Variants in NKAIN2 observed in about 807,000 individuals in gnomAD.
NKAIN2 encodes the protein sodium/potassium transporting ATPase interacting 2, also known as sodium/potassium-transporting ATPase subunit beta-1-interacting protein 2.
In NKAIN2, 14 loss-of-function variants were observed where a neutral mutation model predicts 32.6. The ratio of observed to expected loss-of-function variants is 0.43; its 90% CI spans 0.28 to 0.67. The LOEUF (loss-of-function observed/expected upper bound fraction) is 0.67, where lower values mean the gene tolerates loss of function less well. Among genes scored for constraint, NKAIN2 ranks in the 30% least tolerant of loss-of-function variants. The pLI is 0.17. For missense variants in NKAIN2, 198 were observed against 258.3 expected (o/e 0.77, Z 1.60); for synonymous variants, 80 against 87.2 (o/e 0.92, Z 0.46).
chr6:124,644,910 T>G (rs1358889425), intron 3 of NKAIN2, among the ~76,000 whole-genome samples: 1 of 152,196 alleles, frequency 6.6e-6, no homozygotes, highest in Admixed American at 6.5e-5. Flanking sequence ...AAGAAGAAAT[T>G]TATATTTTGT....
chr6:124,205,845 C>CATTATATATTAAAATATA (rs1790851040), intron 1 of NKAIN2, among the ~76,000 whole-genome samples: 1 of 151,958 alleles, frequency 6.6e-6, no homozygotes, highest in South Asian at 2.1e-4. Flanking sequence ...AATACCTGCT[C>CATTATATATTAAAATATA]TGAATAACAA....
At chr6:123,960,856 A>C (rs77266720) in intron 1 of NKAIN2, among the ~76,000 whole-genome samples, 2,759 of 151,920 alleles carry the variant, frequency 0.018, 83 homozygotes, top group African/African-American at 0.063. Context: ...AGTGGGGGCT[A>C]CAATTGCACT....
rs397956239 is a variant in NKAIN2 at position 124,351,508 on chromosome 6, C to CAA, written c.193-3744_193-3743dup. ...GAGTGAGATCCTGTCTCAAAAAAAC[C>CAA]AAAAAAAAAAAAAAAAGAAAAGAAG... On this transcript the variant is annotated intron_variant, in intron 2 of 6. Coordinates refer to ENST00000368417, the MANE Select transcript of NKAIN2 (RefSeq NM_001040214.3). Among the ~76,000 whole-genome samples, 290 of 108,978 alleles carry CAA rather than the reference C, an allele frequency of 2.7e-3. 1 individual carries two copies. Among genetic ancestry groups the CAA allele is most frequent in the Middle Eastern group, 5.1e-3 (1 of 198 alleles). 71.5% of individuals were successfully genotyped at this position (108,978 alleles called of 152,430 possible).
At chr6:123,880,100 G>A (rs906088375) in intron 1 of NKAIN2, among the ~76,000 whole-genome samples, 1 of 152,208 alleles carries the variant, frequency 6.6e-6, no homozygotes, top group Non-Finnish European at 1.5e-5. Context: ...GTAGAGCTGA[G>A]AAGAGTCAGT....
At chr6:123,826,459 T>C (rs1774152956) in intron 1 of NKAIN2, among the ~76,000 whole-genome samples, 1 of 152,074 alleles carries the variant, frequency 6.6e-6, no homozygotes, top group African/African-American at 2.4e-5. Flanking sequence ...ACCATCCATC[T>C]CCAGAACTTT....
intron 2 of NKAIN2, among the ~76,000 whole-genome samples, chr6:124,338,577 C>G (rs1797979293): frequency 6.6e-6 from 1 of 152,074 alleles, no homozygotes; most frequent in South Asian, 2.1e-4. Flanking sequence ...AATTTTTTCA[C>G]AAGTTTGGAA....
At chr6:124,048,326 A>G (rs1278757736) in intron 1 of NKAIN2, among the ~76,000 whole-genome samples, 1 of 152,040 alleles carries the variant, frequency 6.6e-6, no homozygotes, top group African/African-American at 2.4e-5. Flanking sequence ...GCACTGAAGT[A>G]ATCATTATAT....
chr6:124,556,849 A>G (rs1780494804), intron 3 of NKAIN2, among the ~76,000 whole-genome samples: 1 of 152,210 alleles, frequency 6.6e-6, no homozygotes, highest in African/African-American at 2.4e-5. Context: ...CTTTCAGACT[A>G]AATCAAATGC....
intron 4 of NKAIN2, among the ~76,000 whole-genome samples, chr6:124,752,925 A>C (rs1777792446): frequency 6.6e-6 from 1 of 152,098 alleles, no homozygotes. Flanking sequence ...GAACAAAAGA[A>C]ATCCAAATTT....
rs576358584 is a variant in NKAIN2 at position 124,371,537 on chromosome 6, C to CA, written c.273+16197dup. 1.6e-3 allele frequency among the ~76,000 whole-genome samples: 239 copies of CA among 151,436 alleles called. 3 individuals are homozygous for CA. The highest frequency in any genetic ancestry group is 5.5e-3 in the African/African-American group (227 of 41,360). On this transcript the variant is annotated intron_variant, in intron 3 of 6. Transcript: ENST00000368417. ...TGAAACCCCGTCTCTACTAAAAATA[C>CA]AAAAAAATTAGCTGGGCATGGTGAC...
At chr6:124,716,456 A>T (rs1470141931) in intron 4 of NKAIN2, among the ~76,000 whole-genome samples, 4 of 152,216 alleles carry the variant, frequency 2.6e-5, no homozygotes, top group Admixed American at 6.5e-5. Flanking sequence ...GAGTGATGAG[A>T]TGGACCCTTA....
At chr6:124,708,954 A>C (rs1775271397) in intron 4 of NKAIN2, among the ~76,000 whole-genome samples, 1 of 148,444 alleles carries the variant, frequency 6.7e-6, no homozygotes. Flanking sequence ...CTGCCCATTC[A>C]GTATGATATT....
intron 1 of NKAIN2, among the ~76,000 whole-genome samples, chr6:123,903,153 T>G (rs1774687372): frequency 6.6e-6 from 1 of 152,256 alleles, no homozygotes; most frequent in Non-Finnish European, 1.5e-5. Flanking sequence ...GATGGCTGTT[T>G]GAACAGCTAA....
At chr6:124,674,135 A>C (rs1016129210) in intron 4 of NKAIN2, among the ~76,000 whole-genome samples, 9 of 151,966 alleles carry the variant, frequency 5.9e-5, no homozygotes, top group African/African-American at 2.2e-4. Flanking sequence ...TAGTCTTGAC[A>C]ACCTTGTCAA....
intron 1 of NKAIN2, among the ~76,000 whole-genome samples, chr6:123,925,667 C>T (rs1489534723): frequency 6.6e-6 from 1 of 152,118 alleles, no homozygotes; most frequent in South Asian, 2.1e-4. Context: ...GTTCTGAAAT[C>T]GTTACTCTGA....
intron 3 of NKAIN2, among the ~76,000 whole-genome samples, chr6:124,399,718 T>G (rs908944144): frequency 6.6e-6 from 1 of 152,194 alleles, no homozygotes; most frequent in Non-Finnish European, 1.5e-5. Context: ...GAGGATAGAA[T>G]TAAAAGAAGA....
intron 1 of NKAIN2, among the ~76,000 whole-genome samples, chr6:124,068,833 T>A (rs531078306): frequency 2.2e-4 from 34 of 152,076 alleles, no homozygotes; most frequent in Middle Eastern, 3.4e-3. Context: ...AATCCAGCGA[T>A]AAGAAAAGAA....
intron 1 of NKAIN2, among the ~76,000 whole-genome samples, chr6:124,023,948 C>G (rs770531024): frequency 2.0e-5 from 3 of 151,872 alleles, no homozygotes; most frequent in Non-Finnish European, 4.4e-5. Flanking sequence ...ATAGAAAAAT[C>G]GTCTAAGATT....
At chr6:124,386,710 C>T (rs1367857482) in intron 3 of NKAIN2, among the ~76,000 whole-genome samples, 1 of 152,110 alleles carries the variant, frequency 6.6e-6, no homozygotes, top group African/African-American at 2.4e-5. Context: ...AATTGCCAAT[C>T]CTCTTCAATT....
Sources: gnomAD v4.1 joint callset for allele counts (sites outside exome capture counted in the v4.1 genomes callset) on GRCh38, gnomAD v4.1.1 for gene constraint, MANE v1.5 for transcripts, NCBI Gene and HGNC (gene_info 2026-07-23, HGNC 2026-07-21) for gene names.